The following DLG2 variants were observed in gnomAD, a reference collection of about 807,000 sequenced individuals.
The protein encoded by DLG2 is disks large homolog 2.
DLG2 carries 45 observed loss-of-function variants against 132.5 expected under a neutral mutation model. The observed-to-expected ratio is 0.34, with a 90% CI of 0.27 to 0.44. The LOEUF is 0.44. Ranked by LOEUF, DLG2 falls within the 20% of genes least tolerant of loss-of-function variation. DLG2 has a pLI of 1.00. For synonymous variants in DLG2, 424 were observed against 419.6 expected (o/e 1.01, Z -0.13); for missense variants, 1,045 against 1,196.9 (o/e 0.87, Z 1.87).
At chr11:83,766,018 G>A (rs530235982) in intron 18 of DLG2, among the ~76,000 whole-genome samples, 4 of 151,758 alleles carry the variant, frequency 2.6e-5, no homozygotes, top group African/African-American at 9.7e-5. Flanking sequence ...CTTGGATGTT[G>A]ACAAATGCTA....
At chr11:85,195,728 G>T (rs952356098) in intron 4 of DLG2, among the ~76,000 whole-genome samples, 1 of 151,600 alleles carries the variant, frequency 6.6e-6, no homozygotes, top group Non-Finnish European at 1.5e-5. Flanking sequence ...GGGTTTCACC[G>T]TGTTAGCCAG....
chr11:83,700,699 C>T (rs893538092), intron 18 of DLG2, among the ~76,000 whole-genome samples: 37 of 151,428 alleles, frequency 2.4e-4, no homozygotes, highest in Admixed American at 5.3e-4. Flanking sequence ...ATACATCTTG[C>T]GGGATTAATT....
At chr11:83,764,960 C>T (rs7126086) in intron 18 of DLG2, among the ~76,000 whole-genome samples, 23,368 of 152,004 alleles carry the variant, frequency 0.15, 1,974 homozygotes, top group South Asian at 0.21. Flanking sequence ...CAGAGATGGC[C>T]GGCACACTCT....
chr11:84,494,231 G>C (rs942401806), intron 7 of DLG2, among the ~76,000 whole-genome samples: 5 of 152,114 alleles, frequency 3.3e-5, no homozygotes, highest in Non-Finnish European at 7.4e-5. Context: ...TAATACATGT[G>C]CTTCTTAGCT....
At chr11:84,170,640 C>G (rs1279221573) in intron 8 of DLG2, among the ~76,000 whole-genome samples, 1 of 152,132 alleles carries the variant, frequency 6.6e-6, no homozygotes, top group East Asian at 1.9e-4. Context: ...GTAGGCCTAT[C>G]AAAACAGAGA....
intron 4 of DLG2, among the ~76,000 whole-genome samples, chr11:85,167,327 A>C (rs977345926): frequency 6.6e-6 from 1 of 152,148 alleles, no homozygotes; most frequent in Non-Finnish European, 1.5e-5. Flanking sequence ...ACTTAACTCT[A>C]TACTATTCTC....
At chr11:84,167,136 G>A in intron 8 of DLG2, 1 of 400,656 alleles carries the variant, frequency 2.5e-6, no homozygotes, top group South Asian at 1.9e-5. Context: ...AAACTTTTCA[G>A]TGTTTGAAAA....
At chr11:84,250,620 T>C (rs1598371249) in intron 8 of DLG2, among the ~76,000 whole-genome samples, 1 of 152,196 alleles carries the variant, frequency 6.6e-6, no homozygotes, top group Non-Finnish European at 1.5e-5. Flanking sequence ...TTGTGGCCTA[T>C]AGCTGGTCTC....
chr11:83,509,354 G>A (rs2094892023), intron 21 of DLG2, among the ~76,000 whole-genome samples: 1 of 152,120 alleles, frequency 6.6e-6, no homozygotes, highest in South Asian at 2.1e-4. Context: ...GAGGCTCAGT[G>A]GTAACTTGTT....
chr11:85,147,894 C>A (rs1480140485), intron 5 of DLG2, among the ~76,000 whole-genome samples: 2 of 152,026 alleles, frequency 1.3e-5, no homozygotes, highest in Non-Finnish European at 2.9e-5. Context: ...CTAATGTTCT[C>A]CCTCCCCTTG....
At chr11:85,422,561 T>A (rs2090403715) in intron 3 of DLG2, among the ~76,000 whole-genome samples, 1 of 151,758 alleles carries the variant, frequency 6.6e-6, no homozygotes, top group Non-Finnish European at 1.5e-5. Flanking sequence ...GGGGGATTTG[T>A]CGGGGTTTCT....
At chr11:84,359,889 A>C (rs2098639643) in intron 7 of DLG2, among the ~76,000 whole-genome samples, 1 of 151,986 alleles carries the variant, frequency 6.6e-6, no homozygotes, top group Non-Finnish European at 1.5e-5. Flanking sequence ...CAGTTCATCG[A>C]ACTCTGATAA....
intron 11 of DLG2, among the ~76,000 whole-genome samples, chr11:84,056,841 C>T (rs1461513097): frequency 6.6e-6 from 1 of 152,134 alleles, no homozygotes; most frequent in African/African-American, 2.4e-5. Flanking sequence ...TCAGTGACCT[C>T]TGGACAGCGA....
At chr11:85,304,698 G>T (rs974871938) in intron 3 of DLG2, among the ~76,000 whole-genome samples, 2 of 152,048 alleles carry the variant, frequency 1.3e-5, no homozygotes, top group African/African-American at 4.8e-5. Context: ...AAGCATTTCC[G>T]ATAAACGATA....
chr11:83,989,071 G>A (rs1394446573), intron 11 of DLG2, among the ~76,000 whole-genome samples: 1 of 152,076 alleles, frequency 6.6e-6, no homozygotes, highest in African/African-American at 2.4e-5. Context: ...AATATAAGAG[G>A]ACAAGGAAAG....
intron 11 of DLG2, among the ~76,000 whole-genome samples, chr11:84,017,591 G>T (rs919936960): frequency 3.9e-5 from 6 of 151,948 alleles, no homozygotes; most frequent in African/African-American, 1.4e-4. Context: ...TAGCTCTTTT[G>T]GAATAATATC....
At chr11:83,473,742 G>C (rs1051274751) in intron 22 of DLG2, among the ~76,000 whole-genome samples, 100 of 152,020 alleles carry the variant, frequency 6.6e-4, no homozygotes, top group African/African-American at 2.3e-3. Flanking sequence ...ATTCACCTTT[G>C]CTGTATATCC....
At chr11:85,238,229 ATT>A (rs2075695839) in intron 4 of DLG2, among the ~76,000 whole-genome samples, 1 of 142,054 alleles carries the variant, frequency 7.0e-6, no homozygotes, top group Non-Finnish European at 1.5e-5. Context: ...TTATTTATTT[ATT>A]TATTTATTTA....
intron 3 of DLG2, among the ~76,000 whole-genome samples, chr11:85,457,039 C>T (rs2092445322): frequency 6.6e-6 from 1 of 152,070 alleles, no homozygotes; most frequent in African/African-American, 2.4e-5. Flanking sequence ...TGTTGAAGTC[C>T]TGTACTCTAA....
Sources: gnomAD v4.1 joint callset for allele counts (sites outside exome capture counted in the v4.1 genomes callset) on GRCh38, gnomAD v4.1.1 for gene constraint, MANE v1.5 for transcripts, NCBI Gene and HGNC (gene_info 2026-07-23, HGNC 2026-07-21) for gene names.